Variants in RAD51B observed in about 807,000 individuals in gnomAD.
RAD51B encodes the protein DNA repair protein RAD51 homolog 2.
Under a neutral mutation model 42.2 loss-of-function variants are expected in RAD51B, and 38 were observed. The ratio of observed to expected loss-of-function variants is 0.90; its 90% CI spans 0.70 to 1.18. The LOEUF (loss-of-function observed/expected upper bound fraction) is 1.18. Among genes scored for constraint, RAD51B ranks in the 50% most tolerant of loss-of-function variants. The pLI, the probability that RAD51B is intolerant of heterozygous loss-of-function variation, is 0.00. For synonymous variants in RAD51B, 154 were observed against 145.2 expected, an observed-to-expected ratio of 1.06 and a Z score of -0.43; for missense variants, 373 against 400.7, an observed-to-expected ratio of 0.93 and a Z score of 0.59.
At chr14:68,156,024 C>T (rs1315342219) in intron 7 of RAD51B, among the ~76,000 whole-genome samples, 2 of 152,170 alleles carry the variant, frequency 1.3e-5, no homozygotes, top group African/African-American at 2.4e-5. Context: ...TTTGTTTCTT[C>T]TGTCTTGCAC....
intron 8 of RAD51B, among the ~76,000 whole-genome samples, chr14:68,378,757 C>A (rs544964415): frequency 6.6e-6 from 1 of 151,780 alleles, no homozygotes; most frequent in Non-Finnish European, 1.5e-5. Flanking sequence ...ATATGGAGGG[C>A]TGACTATACT....
intron 4 of RAD51B, among the ~76,000 whole-genome samples, chr14:67,841,542 A>G (rs2140309559): frequency 6.6e-6 from 1 of 152,216 alleles, no homozygotes; most frequent in African/African-American, 2.4e-5. Context: ...TAGGATTTTT[A>G]TGGGTTGGGT....
chr14:68,216,210 G>A (rs1196015236), intron 7 of RAD51B, among the ~76,000 whole-genome samples: 1 of 152,228 alleles, frequency 6.6e-6, no homozygotes, highest in African/African-American at 2.4e-5. Flanking sequence ...CTTCCTAAAA[G>A]AGGGACTTTA....
At chr14:68,425,944 C>CTTTCTTTCT (rs2084823381) in intron 9 of RAD51B, among the ~76,000 whole-genome samples, 1 of 81,648 alleles carries the variant, frequency 1.2e-5, no homozygotes, top group East Asian at 3.4e-4. Flanking sequence ...CTTTTTCTTT[C>CTTTCTTTCT]TTTCTTTCTT....
intron 11 of RAD51B, among the ~76,000 whole-genome samples, chr14:68,674,181 CAT>C (rs1300047499): frequency 1.5e-5 from 1 of 67,092 alleles, no homozygotes; most frequent in African/African-American, 1.3e-4. Flanking sequence ...ACTGTATACA[CAT>C]ATACATCACA....
chr14:68,486,467 C>T (rs1032882129), intron 10 of RAD51B, among the ~76,000 whole-genome samples: 4 of 152,212 alleles, frequency 2.6e-5, no homozygotes, highest in African/African-American at 9.6e-5. Context: ...ACCAATCTAA[C>T]AGCTTGAAAG....
At chr14:68,648,086 CG>C (rs1892608988) in intron 10 of RAD51B, among the ~76,000 whole-genome samples, 2 of 62,278 alleles carry the variant, frequency 3.2e-5, no homozygotes, top group Non-Finnish European at 5.9e-5. Flanking sequence ...CGTATATATA[CG>C]TGTGTGTATA....
intron 10 of RAD51B, among the ~76,000 whole-genome samples, chr14:68,493,012 T>C (rs1884201389): frequency 6.6e-6 from 1 of 152,172 alleles, no homozygotes; most frequent in African/African-American, 2.4e-5. Flanking sequence ...AGAATGTACA[T>C]TAGCATCCCT....
chr14:67,904,558 TG>T (rs1354452351), intron 7 of RAD51B, among the ~76,000 whole-genome samples: 1 of 149,440 alleles, frequency 6.7e-6, no homozygotes, highest in Non-Finnish European at 1.5e-5. Context: ...GTTGCCAGGC[TG>T]GTGTGCAGAG....
intron 10 of RAD51B, among the ~76,000 whole-genome samples, chr14:68,496,393 T>C (rs1211501706): frequency 6.6e-6 from 1 of 152,218 alleles, no homozygotes; most frequent in African/African-American, 2.4e-5. Context: ...CCTGTGTCCA[T>C]GCCTCTGGGC....
chr14:67,930,330 T>C (rs910693981), intron 7 of RAD51B, among the ~76,000 whole-genome samples: 14 of 152,096 alleles, frequency 9.2e-5, no homozygotes, highest in African/African-American at 2.9e-4. Context: ...GTATACTTTG[T>C]GTGTGTGTGT....
intron 8 of RAD51B, among the ~76,000 whole-genome samples, chr14:68,405,187 C>G (rs1594790273): frequency 6.6e-6 from 1 of 152,298 alleles, no homozygotes; most frequent in East Asian, 1.9e-4. Context: ...TGAAGCTCAG[C>G]AAGATTTAAG....
At chr14:68,032,258 C>T (rs898180173) in intron 7 of RAD51B, among the ~76,000 whole-genome samples, 1 of 152,110 alleles carries the variant, frequency 6.6e-6, no homozygotes, top group Non-Finnish European at 1.5e-5. Flanking sequence ...TTTCTAGTGG[C>T]TCCTAACCTT....
intron 7 of RAD51B, among the ~76,000 whole-genome samples, chr14:68,270,581 C>T (rs929455238): frequency 1.6e-4 from 24 of 152,154 alleles, no homozygotes; most frequent in African/African-American, 4.8e-4. Context: ...AGCCAGTCTT[C>T]GGCTGTTATG....
At position 68,545,688 on chromosome 14, in the gene RAD51B, T is replaced by C. The variant is rs527301775; in HGVS notation, c.1037-48797T>C. ...CATCATTCGCTTGTCCACACATTGA[T>C]TTCCCTAAATATTTATTATCTGCTT... is the stretch of plus-strand genomic sequence containing the variant. On this transcript the variant is annotated intron_variant, in intron 10 of 10. Transcript: ENST00000487270. 8.2e-5 allele frequency: 37 copies of C among 453,064 alleles called. No homozygotes were observed. In the East Asian group the frequency reaches 8.4e-4, roughly 10 times the overall value. The allele number at this position is 453,064 out of a possible 1,614,324, so 28.1% of individuals were successfully genotyped here.
At chr14:68,054,250 C>CG (rs2076438609) in intron 7 of RAD51B, among the ~76,000 whole-genome samples, 1 of 152,076 alleles carries the variant, frequency 6.6e-6, no homozygotes, top group Non-Finnish European at 1.5e-5. Context: ...TGTCATGCCT[C>CG]TTAATCTTTA....
rs138458585 is a variant in RAD51B at position 68,383,686 on chromosome 14, A to G, written c.854-27738A>G. Among the ~76,000 whole-genome samples, 15 of 151,746 alleles carry G rather than the reference A, an allele frequency of 9.9e-5. No individual in the cohort carries two copies. The East Asian group carries it at 2.7e-3, about 27-fold the overall frequency. On this transcript the variant is annotated intron_variant, in intron 8 of 10. Transcript: ENST00000471583. ...ATGAATTTCTACTTGCAAGAATGCC[A>G]TCTGTGGTTTTCTCCAAGTGTTGCT...
At chr14:68,331,522 G>T (rs1413970839) in intron 8 of RAD51B, among the ~76,000 whole-genome samples, 1 of 150,864 alleles carries the variant, frequency 6.6e-6, no homozygotes, top group African/African-American at 2.4e-5. Context: ...CTACTATGTG[G>T]CAAGTCAGGA....
chr14:68,380,817 C>T (rs2083464357), intron 8 of RAD51B, among the ~76,000 whole-genome samples: 1 of 152,180 alleles, frequency 6.6e-6, no homozygotes, highest in Non-Finnish European at 1.5e-5. Flanking sequence ...TGTTCTAATT[C>T]CCTGTTCATC....
Sources: gnomAD v4.1 joint callset for allele counts (sites outside exome capture counted in the v4.1 genomes callset) on GRCh38, gnomAD v4.1.1 for gene constraint, MANE v1.5 for transcripts, NCBI Gene and HGNC (gene_info 2026-07-23, HGNC 2026-07-21) for gene names.